The following FADS3 variants were observed in gnomAD, a reference collection of about 807,000 sequenced individuals.
The protein encoded by FADS3 is cytochrome b5-related protein.
FADS3 carries 30 observed loss-of-function variants against 60.4 expected under a neutral mutation model. The ratio of observed to expected loss-of-function variants is 0.50; its 90% CI spans 0.37 to 0.67. The LOEUF is 0.67. Ranked by LOEUF, FADS3 falls within the 30% of genes least tolerant of loss-of-function variation. The pLI, the probability that FADS3 is intolerant of heterozygous loss-of-function variation, is 0.00. For synonymous variants in FADS3, 234 were observed against 249.3 expected (o/e 0.94, Z 0.58); for missense variants, 432 against 598.3 (o/e 0.72, Z 2.90).
rs1052853901 is a variant in FADS3 at position 61,883,921 on chromosome 11, G to C, written c.214-3770C>G. 3.9e-5 allele frequency among the ~76,000 whole-genome samples: 6 copies of C among 152,274 alleles called. No individual in the cohort carries two copies. The East Asian group carries it at 1.2e-3, about 29-fold the overall frequency. On this transcript the variant is annotated intron_variant, in intron 1 of 11. Transcript: ENST00000278829. ...AAGCCATTGACAGGGCTCCAGCTGG[G>C]GAAGGGACAGGTGGGGCTGTGACAG...
rs759818192 is a variant in FADS3 at position 61,877,486 on chromosome 11, C to T, written c.885+25G>A. 9.3e-6 allele frequency: 15 copies of T among 1,609,342 alleles called. No individual in the cohort carries two copies. Among genetic ancestry groups the T allele is most frequent in the African/African-American group, 5.3e-5 (4 of 74,898 alleles). Reference sequence around the variant, plus strand: ...CCTCCTGCCACGGCAGCCGTATGCCCGGGGTCCTGGGCAACCCCACTCACC... The same window carrying T: ...CCTCCTGCCACGGCAGCCGTATGCCTGGGGTCCTGGGCAACCCCACTCACC... On this transcript the variant is annotated intron_variant, in intron 7 of 11. Coordinates refer to ENST00000278829, the MANE Select transcript of FADS3 (RefSeq NM_021727.5). This position sits in a 1 kb window ranked among gnomAD's most constrained non-coding sequence, Gnocchi z 4.7.
chr11:61,873,867 T>C lies in FADS3; in HGVS notation c.1287-2A>G. On this transcript the variant is annotated splice_acceptor_variant, in intron 11 of 11. Coordinates refer to ENST00000278829, the MANE Select transcript of FADS3 (RefSeq NM_021727.5). LOFTEE classifies it high-confidence loss of function. ...ATGTCACCAGACTTCTTCAGGGACCTGGGAGGTGGGGGTGGCAGTGGGGGT... is the reference window on the plus strand; with the variant it reads ...ATGTCACCAGACTTCTTCAGGGACCCGGGAGGTGGGGGTGGCAGTGGGGGT... The C allele has an allele frequency of 5.4e-6, 7 of 1,300,692 alleles. No individual in the cohort carries two copies. Among genetic ancestry groups the C allele is most frequent in the Non-Finnish European group, 7.1e-6 (7 of 981,350 alleles). The allele number at this position is 1,300,692 out of a possible 1,614,324, so 80.6% of individuals were successfully genotyped here. A position where few individuals can be genotyped will look rare whatever the true frequency, so the allele number is the denominator to read the frequency against.
At chr11:61,891,074 G>T in intron 1 of FADS3, 95 bp downstream of exon 1, 1 of 1,076,616 alleles carries the variant, frequency 9.3e-7, no homozygotes, top group Non-Finnish European at 1.4e-6. Flanking sequence ...GGGGAGGGAG[G>T]ATGCTAAGGC....
intron 1 of FADS3, 158 bp from the exon 2 acceptor site, chr11:61,880,309 C>T (rs1175388351): frequency 5.2e-6 from 3 of 579,334 alleles, no homozygotes; most frequent in Non-Finnish European, 9.2e-6. Context: ...GACATGGGCC[C>T]TCCCTGGTCC....
chr11:61,874,102 A>T (rs1937781068), intron 11 of FADS3, among the ~76,000 whole-genome samples: 1 of 152,172 alleles, frequency 6.6e-6, no homozygotes, highest in Non-Finnish European at 1.5e-5. Context: ...GCTGGAGGGC[A>T]GCCAAGGCCA....
At chr11:61,885,766 G>A (rs1174211506) in intron 1 of FADS3, among the ~76,000 whole-genome samples, 4 of 152,108 alleles carry the variant, frequency 2.6e-5, no homozygotes, top group Admixed American at 6.5e-5. Flanking sequence ...TCAGGTGGTC[G>A]GGGTCTGTCC....
Position 61,877,154 on chromosome 11 carries a change from C to T in FADS3, c.886-191G>A, listed in dbSNP as rs879897495. The T allele has an allele frequency of 7.1e-6, 4 of 560,658 alleles. No homozygotes were observed. The highest frequency in any genetic ancestry group is 3.0e-5 in the East Asian group (1 of 33,286). 34.7% of individuals were successfully genotyped at this position (560,658 alleles called of 1,614,324 possible). A position where few individuals can be genotyped will look rare whatever the true frequency, so the allele number is the denominator to read the frequency against. ...ACAGGGTCCTTGCCCTGCCAGCTCA[C>T]GAGGCTGATTTTAGTGACGAAGGTG... On this transcript the variant is annotated intron_variant, in intron 7 of 11. Coordinates refer to ENST00000278829, the MANE Select transcript of FADS3 (RefSeq NM_021727.5). This position sits in a 1 kb window ranked among gnomAD's most constrained non-coding sequence, Gnocchi z 4.7.
chr11:61,878,898 G>C (rs2135993699), intron 3 of FADS3, 51 bp from the exon 4 acceptor site: 1 of 1,549,428 alleles, frequency 6.5e-7, no homozygotes, highest in South Asian at 1.1e-5. Context: ...GAGCCCGCCA[G>C]GGCCTGGGGC....
At chr11:61,880,525 G>GCATGTA (rs1278719371) in intron 1 of FADS3, 1 of 162,312 alleles carries the variant, frequency 6.2e-6, no homozygotes, top group Non-Finnish European at 1.3e-5. Context: ...AGTTTCCACT[G>GCATGTA]CATGTAGAAT....
rs777294646 is a variant in FADS3, at chr11:61,876,785, C to T, written c.983+81G>A. The T allele has an allele frequency of 1.3e-5, 15 of 1,128,850 alleles. No homozygotes were observed. The highest frequency in any genetic ancestry group is 1.9e-4 in the Middle Eastern group (1 of 5,252). The allele number at this position is 1,128,850 out of a possible 1,614,324, so 69.9% of individuals were successfully genotyped here. ...AGTACCACTGGCCCCATTCTGCAGA[C>T]GGGAAAAGGGAAGCTCTGGTGGGGG... On this transcript the variant is annotated intron_variant, in intron 8 of 11. Transcript: ENST00000278829. This position sits in a 1 kb window ranked among gnomAD's most constrained non-coding sequence, Gnocchi z 5.7.
In FADS3 at chr11:61,876,767, C is replaced by G. The variant is rs1400204359; in HGVS notation, c.983+99G>C. On this transcript the variant is annotated intron_variant, in intron 8 of 11. Coordinates refer to ENST00000278829, the MANE Select transcript of FADS3 (RefSeq NM_021727.5). The surrounding 1 kb of genome is among the most constrained non-coding windows in gnomAD (Gnocchi z 5.7). ...CCAGCAAGCCAGGGAGGCAGTACCA[C>G]TGGCCCCATTCTGCAGACGGGAAAA... 2 of 963,676 alleles carry G rather than the reference C, an allele frequency of 2.1e-6. No homozygotes were observed. Among genetic ancestry groups the G allele is most frequent in the East Asian group, 2.6e-5 (1 of 38,286 alleles). 59.7% of individuals were successfully genotyped at this position (963,676 alleles called of 1,614,324 possible).
intron 4 of FADS3, 32 bp downstream of exon 4, chr11:61,878,714 A>G (rs1009565389): frequency 1.2e-6 from 2 of 1,612,564 alleles, no homozygotes; most frequent in Middle Eastern, 1.7e-4. Context: ...AGCGCCACCC[A>G]GCACCTGGCT....
At chr11:61,884,599 G>T (rs1299802141) in intron 1 of FADS3, among the ~76,000 whole-genome samples, 1 of 152,188 alleles carries the variant, frequency 6.6e-6, no homozygotes, top group Non-Finnish European at 1.5e-5. Context: ...AAGAAGCCAA[G>T]GGCCCAGCTG....
chr11:61,886,416 T>TG (rs1230451107), intron 1 of FADS3: 1 of 152,262 alleles, frequency 6.6e-6, no homozygotes, highest in Non-Finnish European at 1.5e-5. Context: ...GGGGCCTGGG[T>TG]GGGCGGTGGC....
intron 11 of FADS3, 54 bp from the exon 12 acceptor site, chr11:61,873,919 C>A: frequency 8.4e-7 from 1 of 1,183,984 alleles, no homozygotes; most frequent in South Asian, 1.3e-5. Context: ...GTTGCAAGAT[C>A]CTAACACCCC....
chr11:61,876,078 C>CA lies in FADS3; in HGVS notation c.1160+32dup. 2.5e-6 allele frequency: 4 copies of CA among 1,608,748 alleles called. No homozygotes were observed. Among genetic ancestry groups the CA allele is most frequent in the Non-Finnish European group, 3.4e-6 (4 of 1,177,744 alleles). ...GGATCCCCTCCCAGGACCCCCTCCC[C>CA]ACCTCCCACTGGCCCCCAGCACCCA... On this transcript the variant is annotated intron_variant, in intron 10 of 11. Coordinates refer to ENST00000278829, the MANE Select transcript of FADS3 (RefSeq NM_021727.5). The surrounding 1 kb of genome is among the most constrained non-coding windows in gnomAD (Gnocchi z 5.7).
chr11:61,878,763 C>T lies in FADS3; in HGVS notation c.607G>A (p.Val203Met), dbSNP rs767888295. 7.4e-6 allele frequency: 12 copies of T among 1,614,114 alleles called. No individual in the cohort carries two copies. The highest frequency in any genetic ancestry group is 4.5e-5 in the East Asian group (2 of 44,882). Residue 203 changes from valine (V) to methionine (M), a missense_variant, in exon 4 of 12, where the codon GTG becomes ATG. Physicochemically the swap from Val to Met is conservative, Grantham distance 21. Coordinates refer to ENST00000278829, the MANE Select transcript of FADS3 (RefSeq NM_021727.5). ...ACCCTCACCTTTAGCTGCCCCATCA[C>T]GAACTTCTGGGCCACGTGGTTCCAC... ...SWWNHVAQKF[V>M]MGQLKGFSAH...
Position 61,876,052 on chromosome 11 carries a change from A to T in FADS3, c.1160+59T>A. 3 of 1,489,154 alleles carry T rather than the reference A, an allele frequency of 2.0e-6. No homozygotes were observed. Among genetic ancestry groups the T allele is most frequent in the Non-Finnish European group, 2.8e-6 (3 of 1,088,780 alleles). 92.2% of individuals were successfully genotyped at this position (1,489,154 alleles called of 1,614,324 possible). A position where few individuals can be genotyped will look rare whatever the true frequency, so the allele number is the denominator to read the frequency against. ...AGGCCCCACCCACGGGTCCCCTCCC[A>T]GGATCCCCTCCCAGGACCCCCTCCC... On this transcript the variant is annotated intron_variant, in intron 10 of 11. Transcript: ENST00000278829. The surrounding 1 kb of genome is among the most constrained non-coding windows in gnomAD (Gnocchi z 5.7).
intron 1 of FADS3, among the ~76,000 whole-genome samples, chr11:61,887,263 C>T (rs1938347988): frequency 6.6e-6 from 1 of 152,226 alleles, no homozygotes; most frequent in Non-Finnish European, 1.5e-5. Context: ...TGTCTAATGG[C>T]TCTCACTGGA....
Sources: allele counts gnomAD v4.1 joint callset (sites outside exome capture counted in the v4.1 genomes callset), GRCh38; gene constraint gnomAD v4.1.1; non-coding constraint Gnocchi (gnomAD v3.1); transcripts MANE v1.5; gene names NCBI Gene and HGNC (gene_info 2026-07-23, HGNC 2026-07-21).